The following SLC4A10 variants were observed in gnomAD, a reference collection of about 807,000 sequenced individuals.
SLC4A10 encodes sodium-driven chloride bicarbonate exchanger.
Under a neutral mutation model 137.7 loss-of-function variants are expected in SLC4A10, and 42 were observed. The observed-to-expected ratio is 0.30, with a 90% CI of 0.24 to 0.39. SLC4A10 has a LOEUF of 0.39. Ranked by LOEUF, SLC4A10 falls within the 10% of genes least tolerant of loss-of-function variation. SLC4A10 has a pLI of 1.00. For missense variants in SLC4A10, 925 were observed against 1,355.0 expected (o/e 0.68, Z 4.98); for synonymous variants, 474 against 464.1 (o/e 1.02, Z -0.27).
intron 4 of SLC4A10, among the ~76,000 whole-genome samples, chr2:161,841,321 A>G (rs1343665282): frequency 1.3e-5 from 2 of 151,990 alleles, no homozygotes; most frequent in Non-Finnish European, 2.9e-5. Flanking sequence ...CAAGTCCTCT[A>G]CCTGCCTCAG....
At chr2:161,817,949 AC>A (rs1422926255) in intron 3 of SLC4A10, among the ~76,000 whole-genome samples, 3 of 151,306 alleles carry the variant, frequency 2.0e-5, no homozygotes, top group African/African-American at 7.3e-5. Context: ...CTTAGGATTG[AC>A]TTGGTGATGT....
Position 161,939,653 on chromosome 2 carries a change from C to T in SLC4A10, c.1998-3139C>T, listed in dbSNP as rs541992052. 1.1e-3 allele frequency among the ~76,000 whole-genome samples: 168 copies of T among 152,140 alleles called. 1 individual carries two copies. The highest frequency in any genetic ancestry group is 1.4e-3 in the Non-Finnish European group (93 of 67,984). ...CTCCCCACCCCCAACTCCGTTGTAG[C>T]GGCTATTAACATATATTATTTTGTA... is the stretch of plus-strand genomic sequence containing the variant. On this transcript the variant is annotated intron_variant, in intron 15 of 26. Coordinates refer to ENST00000446997, the MANE Select transcript of SLC4A10 (RefSeq NM_001178015.2).
intron 1 of SLC4A10, among the ~76,000 whole-genome samples, chr2:161,755,115 A>G (rs568931780): frequency 5.9e-5 from 9 of 152,324 alleles, no homozygotes; most frequent in Non-Finnish European, 1.0e-4. Context: ...AATAAATTAT[A>G]CATCAGACTC....
At chr2:161,887,710 T>C (rs999925200) in intron 10 of SLC4A10, among the ~76,000 whole-genome samples, 1 of 152,232 alleles carries the variant, frequency 6.6e-6, no homozygotes, top group African/African-American at 2.4e-5. Context: ...ATGAGTCCTT[T>C]GTCAGATGTA....
intron 2 of SLC4A10, among the ~76,000 whole-genome samples, chr2:161,782,051 G>T (rs1310084005): frequency 2.6e-5 from 4 of 151,982 alleles, no homozygotes; most frequent in Non-Finnish European, 1.5e-5. Context: ...TAGCCACCTG[G>T]GGGAGAATAG....
At chr2:161,781,892 C>T (rs148933885) in intron 2 of SLC4A10, among the ~76,000 whole-genome samples, 19 of 152,172 alleles carry the variant, frequency 1.2e-4, no homozygotes, top group East Asian at 3.9e-4. Context: ...CTACCCCCAA[C>T]GCAACACCAT....
intron 1 of SLC4A10, 99 bp downstream of exon 1, chr2:161,624,665 G>A: frequency 6.7e-7 from 1 of 1,495,700 alleles, no homozygotes; most frequent in Non-Finnish European, 9.1e-7. Flanking sequence ...TACTTTTGGG[G>A]TGGTGGATAG....
At chr2:161,723,629 G>A (rs2045924463) in intron 1 of SLC4A10, among the ~76,000 whole-genome samples, 1 of 152,114 alleles carries the variant, frequency 6.6e-6, no homozygotes, top group African/African-American at 2.4e-5. Flanking sequence ...AAACAAATCT[G>A]ATCTATATCC....
chr2:161,731,651 G>A (rs1043068118), intron 1 of SLC4A10, among the ~76,000 whole-genome samples: 1 of 152,190 alleles, frequency 6.6e-6, no homozygotes, highest in Non-Finnish European at 1.5e-5. Context: ...GTAAATTTAG[G>A]TGAATAGGTG....
Position 161,858,370 on chromosome 2 carries a change from G to C in SLC4A10, c.577+3240G>C, listed in dbSNP as rs1361332302. Among the ~76,000 whole-genome samples, 5 of 152,152 alleles carry C rather than the reference G, an allele frequency of 3.3e-5. No individual in the cohort carries two copies. The East Asian group carries it at 9.7e-4, about 29-fold the overall frequency. ...TCCTTAAGAGATTTTTGTAGACTTA[G>C]TAGCAGAAAATCCCATTTGTATCTG... On this transcript the variant is annotated intron_variant, in intron 5 of 26. Coordinates refer to ENST00000446997, the MANE Select transcript of SLC4A10 (RefSeq NM_001178015.2).
chr2:161,677,615 G>T (rs1225067853), intron 1 of SLC4A10, among the ~76,000 whole-genome samples: 3 of 152,114 alleles, frequency 2.0e-5, no homozygotes, highest in Admixed American at 2.0e-4. Flanking sequence ...TAAATTTTTG[G>T]ACAAGTAGTG....
intron 1 of SLC4A10, among the ~76,000 whole-genome samples, chr2:161,695,031 C>CA (rs2124951729): frequency 1.3e-5 from 2 of 151,952 alleles, no homozygotes; most frequent in South Asian, 4.2e-4. Context: ...TGTAACTAAG[C>CA]AAAAATATTT....
chr2:161,668,881 T>G lies in SLC4A10; in HGVS notation c.48+44315T>G, dbSNP rs373192523. ...GAGAGCTAAGGCTGCATTTTCACCT[T>G]TCAATTTATTTCACTATGAATGTTC... On this transcript the variant is annotated intron_variant, in intron 1 of 26. Coordinates refer to ENST00000446997, the MANE Select transcript of SLC4A10 (RefSeq NM_001178015.2). Among the ~76,000 whole-genome samples the G allele has an allele frequency of 3.9e-5, 6 of 151,926 alleles. No homozygotes were observed. In the East Asian group the frequency reaches 1.2e-3, roughly 29 times the overall value.
chr2:161,632,274 C>T (rs778461889), intron 1 of SLC4A10, among the ~76,000 whole-genome samples: 10 of 151,536 alleles, frequency 6.6e-5, no homozygotes, highest in Admixed American at 1.3e-4. Flanking sequence ...GCTTAGGAAG[C>T]GTATTTCATT....
intron 23 of SLC4A10, among the ~76,000 whole-genome samples, chr2:161,971,580 C>T (rs1280460087): frequency 6.6e-6 from 1 of 152,184 alleles, no homozygotes; most frequent in Non-Finnish European, 1.5e-5. Context: ...TTTATGCTCT[C>T]GCTGTCTCTT....
rs553355531 is a variant in SLC4A10 at position 161,919,141 on chromosome 2, C to CA, written c.1997+13255dup. ...CACACTTGGGGTAGTAATGACACACCAGCCCCCTGCCATCTCAGCCCTCTC... is the reference window on the plus strand; with the variant it reads ...CACACTTGGGGTAGTAATGACACACCAAGCCCCCTGCCATCTCAGCCCTCTC... On this transcript the variant is annotated intron_variant, in intron 15 of 26. Coordinates refer to ENST00000446997, the MANE Select transcript of SLC4A10 (RefSeq NM_001178015.2). Among the ~76,000 whole-genome samples, 286 of 152,290 alleles carry CA rather than the reference C, an allele frequency of 1.9e-3. 1 individual carries two copies. The highest frequency in any genetic ancestry group is 6.5e-3 in the African/African-American group (269 of 41,560).
intron 15 of SLC4A10, among the ~76,000 whole-genome samples, chr2:161,937,164 T>C (rs892296635): frequency 5.3e-5 from 8 of 152,214 alleles, no homozygotes; most frequent in Admixed American, 2.6e-4. Flanking sequence ...CTTCCTGTTA[T>C]TGATTTCTAG....
chr2:161,969,128 C>T (rs1317530074), intron 23 of SLC4A10, among the ~76,000 whole-genome samples: 1 of 152,190 alleles, frequency 6.6e-6, no homozygotes, highest in Non-Finnish European at 1.5e-5. Flanking sequence ...AGTAGGCTCA[C>T]CTCTTGTCCT....
At chr2:161,724,945 T>C (rs574594345) in intron 1 of SLC4A10, among the ~76,000 whole-genome samples, 16 of 152,252 alleles carry the variant, frequency 1.1e-4, no homozygotes, top group Non-Finnish European at 2.1e-4. Context: ...CTTTCTTAAC[T>C]GTGAACTGTT....
Sources: gnomAD v4.1 joint callset for allele counts (sites outside exome capture counted in the v4.1 genomes callset) on GRCh38, gnomAD v4.1.1 for gene constraint, MANE v1.5 for transcripts, NCBI Gene and HGNC (gene_info 2026-07-23, HGNC 2026-07-21) for gene names.